Variants in ARHGAP22 observed in about 807,000 individuals in gnomAD.
ARHGAP22 encodes rho GTPase-activating protein 22.
ARHGAP22 carries 48 observed loss-of-function variants against 59.1 expected under a neutral mutation model. That is an observed-to-expected ratio of 0.81 (90% confidence interval 0.64 to 1.03). The LOEUF (loss-of-function observed/expected upper bound fraction) is 1.03, where lower values mean the gene tolerates loss of function less well. ARHGAP22 is among the 50% of genes least tolerant of loss of function. The pLI, the probability that ARHGAP22 is intolerant of heterozygous loss-of-function variation, is 0.00. For missense variants in ARHGAP22, 1,015 were observed against 958.7 expected (o/e 1.06, Z -0.78); for synonymous variants, 445 against 416.4 (o/e 1.07, Z -0.84).
chr10:48,623,832 A>G (rs543830466), intron 1 of ARHGAP22, among the ~76,000 whole-genome samples: 2 of 152,276 alleles, frequency 1.3e-5, no homozygotes, highest in African/African-American at 4.8e-5. Flanking sequence ...GTGACTCATT[A>G]GTTCTCACAT....
chr10:48,493,185 CTG>C (rs1300194383), intron 3 of ARHGAP22, among the ~76,000 whole-genome samples: 1 of 152,146 alleles, frequency 6.6e-6, no homozygotes, highest in Non-Finnish European at 1.5e-5. Flanking sequence ...TGAGACCTGC[CTG>C]TGTGTGTGGT....
chr10:48,604,824 C>A lies in ARHGAP22; in HGVS notation c.-28G>T. On this transcript the variant is annotated 5_prime_UTR_variant, in exon 1 of 10. Transcript: ENST00000249601. ...TCTTGCAGCCGTCCGGCCAGCCCCG[C>A]AGGGCCGTTCATGCTGTCATCCACT... 6.2e-7 allele frequency: 1 copy of A among 1,614,134 alleles called. No individual in the cohort carries two copies. The highest frequency in any genetic ancestry group is 8.5e-7 in the Non-Finnish European group (1 of 1,180,024).
chr10:48,567,554 T>C (rs1475491261), intron 2 of ARHGAP22, among the ~76,000 whole-genome samples: 1 of 152,216 alleles, frequency 6.6e-6, no homozygotes, highest in Non-Finnish European at 1.5e-5. Context: ...AAGGTGCACG[T>C]GATTTTACAA....
chr10:48,590,866 G>A (rs879718858), intron 1 of ARHGAP22, among the ~76,000 whole-genome samples: 1 of 152,066 alleles, frequency 6.6e-6, no homozygotes, highest in African/African-American at 2.4e-5. Flanking sequence ...GGCTGGGGTG[G>A]GTGGGCAGTG....
rs1301246323 is a variant in ARHGAP22, at chr10:48,455,181, G to C, written c.660-47C>G. 3 of 1,556,240 alleles carry C rather than the reference G, an allele frequency of 1.9e-6. No homozygotes were observed. In the South Asian group the frequency reaches 3.6e-5, roughly 19 times the overall value. On this transcript the variant is annotated intron_variant, in intron 5 of 9. Transcript: ENST00000249601. ...GTGTGTGAGGCCTGGGATGCCAGGG[G>C]ACTTCAGGGGTGACTGGTACGCCCT...
At chr10:48,586,211 A>G (rs2059417048) in intron 1 of ARHGAP22, among the ~76,000 whole-genome samples, 1 of 152,168 alleles carries the variant, frequency 6.6e-6, no homozygotes, top group African/African-American at 2.4e-5. Context: ...ATTTAATTAA[A>G]AAGACGTTGG....
intron 3 of ARHGAP22, among the ~76,000 whole-genome samples, chr10:48,533,643 T>C (rs1006329163): frequency 6.6e-6 from 1 of 152,250 alleles, no homozygotes; most frequent in East Asian, 1.9e-4. Flanking sequence ...TTGAGGGCCA[T>C]ACAGTCTCTT....
At chr10:48,640,101 A>G (rs993085676) in intron 1 of ARHGAP22, among the ~76,000 whole-genome samples, 2 of 152,230 alleles carry the variant, frequency 1.3e-5, no homozygotes, top group African/African-American at 4.8e-5. Context: ...GGAGCTCAGC[A>G]GAAGATTTGA....
chr10:48,519,873 G>A (rs1564809216), intron 3 of ARHGAP22, among the ~76,000 whole-genome samples: 2 of 152,206 alleles, frequency 1.3e-5, no homozygotes, highest in African/African-American at 4.8e-5. Flanking sequence ...GCAGTCTGGG[G>A]CCAAGGTGGG....
At chr10:48,593,589 T>C (rs1434404639) in intron 1 of ARHGAP22, among the ~76,000 whole-genome samples, 1 of 152,256 alleles carries the variant, frequency 6.6e-6, no homozygotes, top group African/African-American at 2.4e-5. Flanking sequence ...CTGAGATGGC[T>C]ACTAAGTGAC....
intron 1 of ARHGAP22, among the ~76,000 whole-genome samples, chr10:48,643,504 C>CA (rs2062147241): frequency 2.0e-5 from 3 of 150,216 alleles, no homozygotes; most frequent in Non-Finnish European, 4.4e-5. Flanking sequence ...ATTGCAAGCA[C>CA]AAAAAACCAA....
rs777569383 is a variant in ARHGAP22 at position 48,558,354 on chromosome 10, T to TTTTTGTTTTGTTTTG, written c.235-2819_235-2805dup. Among the ~76,000 whole-genome samples the TTTTTGTTTTGTTTTG allele has an allele frequency of 2.0e-3, 299 of 150,774 alleles. 3 individuals carry two copies. The highest frequency in any genetic ancestry group is 7.0e-3 in the African/African-American group (287 of 41,028). On this transcript the variant is annotated intron_variant, in intron 2 of 9. Coordinates refer to ENST00000249601, the MANE Select transcript of ARHGAP22 (RefSeq NM_021226.4). ...TGCGATTTAATGTTTTTTTTTTGTTTTTTTGTTTTGTTTTGTTTTGTTTTG... is the reference window on the plus strand; with the variant it reads ...TGCGATTTAATGTTTTTTTTTTGTTTTTTTGTTTTGTTTTGTTTTGTTTTGTTTTGTTTTGTTTTG...
At chr10:48,437,043 A>C in the ARHGAP22 span, 1 of 152,344 alleles carries the variant, frequency 6.6e-6, no homozygotes, top group East Asian at 1.9e-4. Context: ...GATTGCTGAT[A>C]AGCCATCTCT....
chr10:48,503,700 G>A (rs543975421), intron 3 of ARHGAP22, among the ~76,000 whole-genome samples: 3 of 152,390 alleles, frequency 2.0e-5, no homozygotes, highest in African/African-American at 7.2e-5. Context: ...TGATGGAACT[G>A]CAATGTGCAT....
At chr10:48,446,842 G>A (rs1326743151) in intron 9 of ARHGAP22, among the ~76,000 whole-genome samples, 10 of 152,146 alleles carry the variant, frequency 6.6e-5, no homozygotes, top group South Asian at 4.1e-4. Context: ...CTGTGATCCC[G>A]AAATGCCAAC....
At chr10:48,655,420 C>A (rs532970902), upstream of ARHGAP22, 1 of 152,476 alleles carries the variant, frequency 6.6e-6, no homozygotes, top group Non-Finnish European at 1.5e-5. Flanking sequence ...GTTCTGCCCA[C>A]CAGCTGGAGG....
At chr10:48,650,870 G>A (rs866994801) in intron 1 of ARHGAP22, among the ~76,000 whole-genome samples, 3 of 152,196 alleles carry the variant, frequency 2.0e-5, no homozygotes, top group Middle Eastern at 3.2e-3. Context: ...TTCTCCTGTG[G>A]AAAGTGAGAT....
At chr10:48,539,290 CATT>C (rs2055681509) in intron 3 of ARHGAP22, among the ~76,000 whole-genome samples, 2 of 129,338 alleles carry the variant, frequency 1.5e-5, no homozygotes, top group Non-Finnish European at 3.1e-5. Flanking sequence ...AGAAGGGTAA[CATT>C]TTTTTTTTTT....
At chr10:48,504,308 G>T (rs1163937413) in intron 3 of ARHGAP22, among the ~76,000 whole-genome samples, 1 of 152,242 alleles carries the variant, frequency 6.6e-6, no homozygotes, top group Non-Finnish European at 1.5e-5. Context: ...GATTCTTCCA[G>T]TGAGACCACA....
Sources: gnomAD v4.1 joint callset for allele counts (sites outside exome capture counted in the v4.1 genomes callset) on GRCh38, gnomAD v4.1.1 for gene constraint, MANE v1.5 for transcripts, NCBI Gene and HGNC (gene_info 2026-07-23, HGNC 2026-07-21) for gene names.